UGT1A9: variants seen among roughly 807,000 people sequenced by gnomAD.
UGT1A9 encodes UDP-glucuronosyltransferase 1A9.
Under a neutral mutation model 45.0 loss-of-function variants are expected in UGT1A9, and 35 were observed. The ratio of observed to expected loss-of-function variants is 0.78; its 90% confidence interval spans 0.59 to 1.03. The LOEUF is 1.03. Among genes scored for constraint, UGT1A9 ranks in the 50% least tolerant of loss-of-function variants. The pLI is 0.00. For missense variants in UGT1A9, 687 were observed against 666.6 expected (o/e 1.03, Z -0.34); for synonymous variants, 278 against 250.6 (o/e 1.11, Z -1.03).
intron 1 of UGT1A9, among the ~76,000 whole-genome samples, chr2:233,678,850 G>A (rs1449791470): frequency 6.6e-6 from 1 of 152,242 alleles, no homozygotes; most frequent in South Asian, 2.1e-4. Context: ...CCAACATTTT[G>A]TTGCTGTATC....
intron 1 of UGT1A9, among the ~76,000 whole-genome samples, chr2:233,675,693 C>T (rs1473453849): frequency 6.6e-6 from 1 of 152,174 alleles, no homozygotes; most frequent in Non-Finnish European, 1.5e-5. Context: ...ACCCACTTAT[C>T]CATTCTTAGG....
At chr2:233,747,290 C>A (rs1693611361) in intron 1 of UGT1A9, 1 of 1,601,096 alleles carries the variant, frequency 6.2e-7, no homozygotes, top group Admixed American at 1.7e-5. Context: ...CAGCCCTGGG[C>A]TGAGAGTGGG....
At position 233,718,993 on chromosome 2, in the gene UGT1A9, CG is replaced by C. The variant is rs757477070; in HGVS notation, c.855+46206del. Reference sequence around the variant, plus strand: ...GAGCTCCATGCCAGAGGCCACCAGGCGGTGGTCCTCACCCCAGAGGTGAATA... The same window carrying C: ...GAGCTCCATGCCAGAGGCCACCAGGCGTGGTCCTCACCCCAGAGGTGAATA... On this transcript the variant is annotated intron_variant, in intron 1 of 4. Coordinates refer to ENST00000354728, the MANE Select transcript of UGT1A9 (RefSeq NM_021027.3). The C allele has an allele frequency of 3.7e-5, 59 of 1,614,208 alleles. No homozygotes were observed. The East Asian group carries it at 9.8e-4, about 27-fold the overall frequency.
chr2:233,699,987 T>C (rs946702694), intron 1 of UGT1A9, among the ~76,000 whole-genome samples: 2 of 152,158 alleles, frequency 1.3e-5, no homozygotes, highest in Non-Finnish European at 2.9e-5. Context: ...CAACAAAGAA[T>C]TACTCTGGCT....
In UGT1A9 at chr2:233,747,595, G is replaced by C. The variant is rs188498977; in HGVS notation, c.856-19439G>C. The C allele has an allele frequency of 1.4e-3, 2,167 of 1,576,574 alleles. 6 individuals are homozygous for C. Among genetic ancestry groups the C allele is most frequent in the Non-Finnish European group, 1.7e-3 (1,986 of 1,146,462 alleles). On this transcript the variant is annotated intron_variant, in intron 1 of 4. Transcript: ENST00000354728. ...TCATCTTTGGTCTTTCATAGGTCTT[G>C]TGTGGAGCTACTGCATAATGAGGCC...
chr2:233,676,291 C>A (rs2074354291), intron 1 of UGT1A9, among the ~76,000 whole-genome samples: 1 of 152,174 alleles, frequency 6.6e-6, no homozygotes, highest in Non-Finnish European at 1.5e-5. Flanking sequence ...AGGGGTCCTG[C>A]AAATATTTTC....
chr2:233,713,198 C>T, intron 1 of UGT1A9: 4 of 1,614,218 alleles, frequency 2.5e-6, no homozygotes, highest in Non-Finnish European at 3.4e-6. Context: ...ATATGTACAT[C>T]AAAGAAGAGA....
chr2:233,690,318 G>A (rs747863632), intron 1 of UGT1A9, among the ~76,000 whole-genome samples: 2 of 152,128 alleles, frequency 1.3e-5, no homozygotes, highest in South Asian at 2.1e-4. Context: ...CTTATGGGTC[G>A]TAGGTCATAC....
intron 1 of UGT1A9, among the ~76,000 whole-genome samples, chr2:233,724,799 C>G (rs559235136): frequency 7.2e-6 from 1 of 139,172 alleles, no homozygotes; most frequent in Non-Finnish European, 1.5e-5. Flanking sequence ...GACGGGGTGG[C>G]GGCCGGGCAG....
intron 1 of UGT1A9, among the ~76,000 whole-genome samples, chr2:233,711,346 C>T (rs967484863): frequency 5.3e-5 from 8 of 152,344 alleles, no homozygotes; most frequent in Admixed American, 2.0e-4. Context: ...GGAGATAGAA[C>T]AGGGGAGCCC....
At chr2:233,768,705 T>C (rs536691348) in intron 4 of UGT1A9, among the ~76,000 whole-genome samples, 10 of 148,550 alleles carry the variant, frequency 6.7e-5, no homozygotes, top group Admixed American at 6.1e-4. Flanking sequence ...TGCCTCAGCC[T>C]CCGTGTAGCT....
rs187591809 is a variant in UGT1A9, at chr2:233,681,835, G to A, written c.855+9046G>A. On this transcript the variant is annotated intron_variant, in intron 1 of 4. Coordinates refer to ENST00000354728, the MANE Select transcript of UGT1A9 (RefSeq NM_021027.3). ...AATTTTTTTTTAAATGAATGAATAA[G>A]TACACGCCTTCTTTTGAGGGCAGGT... 4.5e-4 allele frequency: 682 copies of A among 1,515,910 alleles called. 3 individuals carry two copies. The East Asian group carries it at 4.6e-3, about 10-fold the overall frequency. 93.9% of individuals were successfully genotyped at this position (1,515,910 alleles called of 1,614,324 possible). A position where few individuals can be genotyped will look rare whatever the true frequency, so the allele number is the denominator to read the frequency against.
At chr2:233,691,328 C>T in intron 1 of UGT1A9, 1 of 985,570 alleles carries the variant, frequency 1.0e-6, no homozygotes, top group South Asian at 4.7e-5. Context: ...CCAGCTTGGA[C>T]TGAGCTGAGT....
At position 233,729,612 on chromosome 2, in the gene UGT1A9, T is replaced by G. The variant is rs769549634; in HGVS notation, c.856-37422T>G. On this transcript the variant is annotated intron_variant, in intron 1 of 4. Coordinates refer to ENST00000354728, the MANE Select transcript of UGT1A9 (RefSeq NM_021027.3). ...TTAACCTCTGCGCGGCAGTGCTGGC[T>G]AAGTACCTGTCGATTCCTACTGTGT... is the stretch of plus-strand genomic sequence containing the variant. 6 of 1,614,046 alleles carry G rather than the reference T, an allele frequency of 3.7e-6. No individual in the cohort carries two copies. In the South Asian group the frequency reaches 6.6e-5, roughly 18 times the overall value.
At chr2:233,682,426 C>G in intron 1 of UGT1A9, 2 of 1,613,888 alleles carry the variant, frequency 1.2e-6, no homozygotes, top group Non-Finnish European at 1.7e-6. Flanking sequence ...ATTTCTCCCT[C>G]CCCTCTGTGG....
chr2:233,702,748 T>C (rs1467239374), intron 1 of UGT1A9, among the ~76,000 whole-genome samples: 1 of 152,228 alleles, frequency 6.6e-6, no homozygotes, highest in African/African-American at 2.4e-5. Context: ...GGTCCCCTAT[T>C]CTAGTGATAT....
intron 1 of UGT1A9, chr2:233,750,662 C>T (rs1387659754): frequency 7.0e-6 from 1 of 143,446 alleles, no homozygotes; most frequent in Non-Finnish European, 1.5e-5. Context: ...ACTTGGTGCC[C>T]TGTGTCCCAG....
intron 1 of UGT1A9, among the ~76,000 whole-genome samples, chr2:233,724,444 A>C (rs1289954419): frequency 6.8e-4 from 46 of 67,350 alleles, no homozygotes; most frequent in South Asian, 1.5e-3. Context: ...CTTCTCAGAC[A>C]GGGCAGCTGC....
At chr2:233,693,129 T>A (rs1392316914) in intron 1 of UGT1A9, 1 of 1,614,192 alleles carries the variant, frequency 6.2e-7, no homozygotes, top group East Asian at 2.2e-5. Context: ...TGGCTTAGTA[T>A]GAAGGATATA....
Sources: allele counts gnomAD v4.1 joint callset (sites outside exome capture counted in the v4.1 genomes callset), GRCh38; gene constraint gnomAD v4.1.1; transcripts MANE v1.5; gene names NCBI Gene and HGNC (gene_info 2026-07-23, HGNC 2026-07-21).